RAB27B: variants seen among roughly 807,000 people sequenced by gnomAD.
RAB27B encodes RAB27B, member RAS oncogene family, also known as ras-related protein Rab-27B.
In RAB27B, 15 loss-of-function variants were observed where a neutral mutation model predicts 24.6. The observed-to-expected ratio is 0.61, with a 90% confidence interval of 0.41 to 0.94. The LOEUF (loss-of-function observed/expected upper bound fraction) is 0.94. RAB27B is among the 40% of genes least tolerant of loss of function. The pLI is 0.00. For synonymous variants in RAB27B, 105 were observed against 92.5 expected (o/e 1.14, Z -0.78); for missense variants, 261 against 266.8 (o/e 0.98, Z 0.15).
At chr18:54,735,581 C>T (rs762026889) in intron 2 of RAB27B, among the ~76,000 whole-genome samples, 1 of 152,136 alleles carries the variant, frequency 6.6e-6, no homozygotes, top group African/African-American at 2.4e-5. Flanking sequence ...GAGTACATCT[C>T]AGCTCACTGC....
Position 54,846,929 on chromosome 18 carries a change from C to T in RAB27B, c.-20+18229C>T, listed in dbSNP as rs562434526. On this transcript the variant is annotated intron_variant, in intron 1 of 5. Transcript: ENST00000262094. ...GCAGAGGTGTGATCTCGGCTCACTG[C>T]AAACTCCACCTCCTGGGTTCGAGCG... 3.9e-5 allele frequency among the ~76,000 whole-genome samples: 6 copies of T among 152,232 alleles called. 1 individual carries two copies. Among genetic ancestry groups the T allele is most frequent in the Middle Eastern group, 6.8e-3 (2 of 294 alleles).
At chr18:54,752,324 A>G (rs1907859257) in intron 2 of RAB27B, among the ~76,000 whole-genome samples, 1 of 152,170 alleles carries the variant, frequency 6.6e-6, no homozygotes, top group African/African-American at 2.4e-5. Flanking sequence ...AGCTTTTATT[A>G]AAGACCGATG....
At chr18:54,741,768 C>T (rs1025811606) in intron 2 of RAB27B, among the ~76,000 whole-genome samples, 12 of 152,196 alleles carry the variant, frequency 7.9e-5, no homozygotes, top group Non-Finnish European at 1.2e-4. Context: ...TCCCAAAGTG[C>T]TGAGATTACA....
intron 3 of RAB27B, among the ~76,000 whole-genome samples, chr18:54,881,468 C>T (rs1912921698): frequency 6.6e-6 from 1 of 152,120 alleles, no homozygotes; most frequent in Non-Finnish European, 1.5e-5. Context: ...CAAGCTCATT[C>T]TGTACAGATT....
At chr18:54,719,958 A>T (rs1909307465) in intron 2 of RAB27B, among the ~76,000 whole-genome samples, 1 of 152,118 alleles carries the variant, frequency 6.6e-6, no homozygotes, top group South Asian at 2.1e-4. Flanking sequence ...TTAAGTATAA[A>T]GATTCATTGA....
intron 1 of RAB27B, among the ~76,000 whole-genome samples, chr18:54,845,419 A>AAAAAG (rs1491416485): frequency 7.1e-6 from 1 of 141,434 alleles, no homozygotes; most frequent in East Asian, 2.2e-4. Context: ...AAAAAAAAAA[A>AAAAAG]TAAAATAAAA....
intron 1 of RAB27B, among the ~76,000 whole-genome samples, chr18:54,872,827 T>C (rs1394703246): frequency 1.3e-5 from 2 of 152,156 alleles, no homozygotes; most frequent in Admixed American, 1.3e-4. Flanking sequence ...GCAGATAGCT[T>C]AAATAAATTT....
At chr18:54,835,836 C>T (rs1910872995) in intron 1 of RAB27B, among the ~76,000 whole-genome samples, 2 of 151,946 alleles carry the variant, frequency 1.3e-5, no homozygotes, top group Non-Finnish European at 2.9e-5. Flanking sequence ...ACAATCTCCC[C>T]AGATCTCCTT....
rs774621967 is a variant in RAB27B, at chr18:54,889,357, G to A, written c.601G>A (p.Gly201Arg). The A allele has an allele frequency of 1.2e-6, 2 of 1,613,054 alleles. No homozygotes were observed. The highest frequency in any genetic ancestry group is 1.7e-6 in the Non-Finnish European group (2 of 1,179,428). ...ACAAATCCCTGATACTGTCAATGGTGGAAATTCTGGAAACTTGGATGGGGA... is the reference window on the plus strand; with the variant it reads ...ACAAATCCCTGATACTGTCAATGGTAGAAATTCTGGAAACTTGGATGGGGA... ...KTQIPDTVNG[G>R]NSGNLDGEKP... The change falls in exon 6 of 6, where the codon GGA (glycine) becomes AGA (arginine). Residue 201 changes from glycine to arginine, a missense_variant. Transcript: ENST00000262094.
chr18:54,775,044 A>T (rs1340984749), intron 2 of RAB27B, among the ~76,000 whole-genome samples: 3 of 152,204 alleles, frequency 2.0e-5, no homozygotes, highest in Admixed American at 6.5e-5. Context: ...CTGCTTTTGC[A>T]TCCTGGGAGG....
chr18:54,792,046 AG>A (rs1287914374), intron 2 of RAB27B, among the ~76,000 whole-genome samples: 1 of 152,224 alleles, frequency 6.6e-6, no homozygotes, highest in East Asian at 1.9e-4. Flanking sequence ...CGCCAAGGCA[AG>A]AACTGGGGAT....
intron 2 of RAB27B, among the ~76,000 whole-genome samples, chr18:54,811,998 C>T (rs1463578750): frequency 6.6e-6 from 1 of 152,268 alleles, no homozygotes; most frequent in African/African-American, 2.4e-5. Context: ...CTGAGCGAAT[C>T]CATCACTCTC....
intron 1 of RAB27B, among the ~76,000 whole-genome samples, chr18:54,864,744 C>T (rs1032340602): frequency 6.6e-6 from 1 of 152,130 alleles, no homozygotes; most frequent in Non-Finnish European, 1.5e-5. Context: ...TCCCAGTTGT[C>T]TTCCATTGAT....
chr18:54,841,743 T>C (rs1911129767), intron 1 of RAB27B, among the ~76,000 whole-genome samples: 1 of 152,342 alleles, frequency 6.6e-6, no homozygotes, highest in South Asian at 2.1e-4. Flanking sequence ...GTCAAAGATA[T>C]ATGATAGCAA....
intron 2 of RAB27B, among the ~76,000 whole-genome samples, chr18:54,792,392 T>C (rs1430856986): frequency 6.6e-6 from 1 of 152,072 alleles, no homozygotes; most frequent in Admixed American, 6.6e-5. Context: ...CAAGATCCTA[T>C]CTTAAAAAAA....
chr18:54,850,015 C>G (rs1034667454), intron 1 of RAB27B, among the ~76,000 whole-genome samples: 2 of 151,806 alleles, frequency 1.3e-5, no homozygotes, highest in East Asian at 3.9e-4. Context: ...TGGCAAAATT[C>G]CTCTTCACAC....
intron 2 of RAB27B, among the ~76,000 whole-genome samples, chr18:54,739,771 C>T (rs1910018177): frequency 1.3e-5 from 2 of 152,138 alleles, no homozygotes; most frequent in African/African-American, 2.4e-5. Flanking sequence ...ACATTCCCAT[C>T]AGCATTTCGT....
intron 4 of RAB27B, among the ~76,000 whole-genome samples, chr18:54,886,780 C>G (rs1913153471): frequency 6.6e-6 from 1 of 152,116 alleles, no homozygotes; most frequent in Non-Finnish European, 1.5e-5. Context: ...AATTAATTGT[C>G]ATGCCTAATA....
intron 2 of RAB27B, among the ~76,000 whole-genome samples, chr18:54,740,254 A>C (rs1455026232): frequency 1.3e-5 from 2 of 152,222 alleles, no homozygotes; most frequent in Non-Finnish European, 2.9e-5. Context: ...AGTTTCTATT[A>C]GCTCATCCCC....
Sources: gnomAD v4.1 joint callset for allele counts (sites outside exome capture counted in the v4.1 genomes callset) on GRCh38, gnomAD v4.1.1 for gene constraint, MANE v1.5 for transcripts, NCBI Gene and HGNC (gene_info 2026-07-23, HGNC 2026-07-21) for gene names.